Variants in MTRES1 observed in about 807,000 individuals in gnomAD.
The protein encoded by MTRES1 is uncharacterized protein C6orf203.
Under a neutral mutation model 17.4 loss-of-function variants are expected in MTRES1, and 11 were observed. The ratio of observed to expected loss-of-function variants is 0.63; its 90% confidence interval spans 0.40 to 1.05. The LOEUF (loss-of-function observed/expected upper bound fraction) is 1.05. MTRES1 is among the 50% of genes least tolerant of loss of function. The pLI, the probability that MTRES1 is intolerant of heterozygous loss-of-function variation, is 0.00. For synonymous variants in MTRES1, 94 were observed against 99.6 expected (o/e 0.94, Z 0.34); for missense variants, 268 against 276.2 (o/e 0.97, Z 0.21).
intron 3 of MTRES1, among the ~76,000 whole-genome samples, chr6:107,048,197 C>T (rs1051525380): frequency 4.6e-5 from 7 of 151,996 alleles, no homozygotes; most frequent in African/African-American, 1.4e-4. Context: ...TGCAATGGCA[C>T]GATCTCGGCT....
At chr6:107,039,183 A>G (rs1364014491) in intron 1 of MTRES1, among the ~76,000 whole-genome samples, 1 of 152,154 alleles carries the variant, frequency 6.6e-6, no homozygotes, top group Non-Finnish European at 1.5e-5. Flanking sequence ...TTTCACATAT[A>G]CTCATATCAC....
At chr6:107,034,805 T>C (rs1327159242) in intron 1 of MTRES1, among the ~76,000 whole-genome samples, 2 of 152,064 alleles carry the variant, frequency 1.3e-5, no homozygotes, top group Non-Finnish European at 2.9e-5. Context: ...CTGACCAACA[T>C]GGAGAAACCC....
intron 3 of MTRES1, among the ~76,000 whole-genome samples, chr6:107,045,673 G>GA (rs1223710654): frequency 3.3e-5 from 5 of 151,512 alleles, no homozygotes; most frequent in African/African-American, 1.2e-4. Flanking sequence ...TTTCATAATG[G>GA]AAAAAACAAT....
chr6:107,049,300 AC>A (rs1774506050), intron 3 of MTRES1, among the ~76,000 whole-genome samples: 1 of 149,236 alleles, frequency 6.7e-6, no homozygotes, highest in Non-Finnish European at 1.5e-5. Flanking sequence ...GGGCTTGCTC[AC>A]CCCCTACTGG....
At chr6:107,040,534 A>G (rs1365310133) in intron 2 of MTRES1, 1 of 216,936 alleles carries the variant, frequency 4.6e-6, no homozygotes, top group Admixed American at 5.3e-5. Context: ...TGTATGTAGC[A>G]AACGTAAAAT....
At position 107,039,767 on chromosome 6, in the gene MTRES1, A is replaced by G. The variant is rs1288342761; in HGVS notation, c.7A>G (p.Met3Val). MA[M>V]ASVKLLAGVL... ...GTTTCAGATTATAAGCGCCATGGCT[A>G]TGGCTAGTGTTAAATTGCTTGCCGG... is the stretch of plus-strand genomic sequence containing the variant. The change falls in exon 2 of 4, where the codon ATG becomes GTG. Residue 3 changes from methionine (M) to valine (V), a missense_variant. Physicochemically the swap from Met to Val is conservative, Grantham distance 21 (BLOSUM62 1). Transcript: ENST00000311381. 3 of 1,601,052 alleles carry G rather than the reference A, an allele frequency of 1.9e-6. No individual in the cohort carries two copies. Among genetic ancestry groups the G allele is most frequent in the Non-Finnish European group, 1.7e-6 (2 of 1,176,680 alleles).
rs782162019 is a variant in MTRES1, at chr6:107,040,038, C to A, written c.278C>A (p.Ser93Tyr). The A allele has an allele frequency of 6.6e-5, 106 of 1,612,998 alleles. No homozygotes were observed. Among genetic ancestry groups the A allele is most frequent in the Non-Finnish European group, 9.0e-5 (106 of 1,179,718 alleles). ...AAAAGTAATATAAGGTCTACAAAAT[C>A]TACTAAAAAGTCTCTGCAAAAAGTA... ...RLKSNIRSTKSTKKSLQKVDE... is the reference protein window; with the variant it reads ...RLKSNIRSTKYTKKSLQKVDE... The change falls in exon 2 of 4, where the codon TCT (serine) becomes TAT (tyrosine). Residue 93 changes from serine to tyrosine, a missense_variant. Coordinates refer to ENST00000311381, the MANE Select transcript of MTRES1 (RefSeq NM_016487.5).
intron 3 of MTRES1, among the ~76,000 whole-genome samples, chr6:107,049,351 C>T (rs1554228839): frequency 6.6e-6 from 1 of 151,206 alleles, no homozygotes; most frequent in Non-Finnish European, 1.5e-5. Flanking sequence ...CCAGTCATCC[C>T]TGGCTTATGT....
intron 1 of MTRES1, among the ~76,000 whole-genome samples, chr6:107,036,875 A>G (rs1296426355): frequency 6.7e-6 from 1 of 150,314 alleles, no homozygotes; most frequent in African/African-American, 2.4e-5. Context: ...AAGTGGTTCA[A>G]TTCTGAGATT....
intron 3 of MTRES1, among the ~76,000 whole-genome samples, chr6:107,047,685 G>A: frequency 6.6e-6 from 1 of 151,984 alleles, no homozygotes; most frequent in East Asian, 1.9e-4. Flanking sequence ...AGGAGTTTGA[G>A]ACCAGCCTGG....
chr6:107,047,809 C>A (rs2114971782), intron 3 of MTRES1, among the ~76,000 whole-genome samples: 1 of 152,110 alleles, frequency 6.6e-6, no homozygotes, highest in South Asian at 2.1e-4. Flanking sequence ...TCGTTTGAAT[C>A]CAGGAGGTGG....
chr6:107,036,942 T>A (rs983833524), intron 1 of MTRES1, among the ~76,000 whole-genome samples: 1 of 152,112 alleles, frequency 6.6e-6, no homozygotes, highest in African/African-American at 2.4e-5. Flanking sequence ...ATGAGGTATC[T>A]TTCTCAATTT....
intron 1 of MTRES1, chr6:107,029,895 C>T: frequency 1.7e-6 from 1 of 595,694 alleles, no homozygotes; most frequent in Non-Finnish European, 3.0e-6. Context: ...CGTGAGCCAC[C>T]TGCCTGACCT....
At chr6:107,039,143 T>C (rs570698635) in intron 1 of MTRES1, among the ~76,000 whole-genome samples, 2 of 152,138 alleles carry the variant, frequency 1.3e-5, no homozygotes, top group South Asian at 4.2e-4. Context: ...CAAAGCTAAT[T>C]TGTGGGAGGG....
intron 2 of MTRES1, among the ~76,000 whole-genome samples, chr6:107,041,344 A>G (rs1425215222): frequency 1.5e-5 from 2 of 135,580 alleles, no homozygotes; most frequent in Non-Finnish European, 3.2e-5. Context: ...TCTCATCTGT[A>G]AAATGAAGAT....
chr6:107,041,626 C>T (rs1051576783), intron 2 of MTRES1, among the ~76,000 whole-genome samples: 2 of 152,032 alleles, frequency 1.3e-5, no homozygotes, highest in Non-Finnish European at 2.9e-5. Flanking sequence ...CCCGGGTTCA[C>T]GCCATTCTCC....
chr6:107,042,934 T>C (rs1405136893), intron 2 of MTRES1, among the ~76,000 whole-genome samples: 3 of 152,102 alleles, frequency 2.0e-5, no homozygotes, highest in Admixed American at 2.0e-4. Flanking sequence ...CAACATCTAT[T>C]TAGAAATGCC....
At position 107,044,399 on chromosome 6, in the gene MTRES1, T is replaced by C. The variant is rs538805118; in HGVS notation, c.543+67T>C. 5.5e-5 allele frequency: 72 copies of C among 1,303,570 alleles called. No homozygotes were observed. The South Asian group carries it at 8.8e-4, about 16-fold the overall frequency. 80.8% of individuals were successfully genotyped at this position (1,303,570 alleles called of 1,614,324 possible). ...CTTACTCTGCTAGTAACTCAATTAA[T>C]GCTGTCCCAAATTTTCCCTCTGGCT... On this transcript the variant is annotated intron_variant, in intron 3 of 3. Transcript: ENST00000311381.
chr6:107,040,860 C>T (rs1208990181), intron 2 of MTRES1: 5 of 146,336 alleles, frequency 3.4e-5, no homozygotes, highest in Non-Finnish European at 7.4e-5. Flanking sequence ...CAGAGTGAGA[C>T]TCCATCTGAA....
Sources: allele counts gnomAD v4.1 joint callset (sites outside exome capture counted in the v4.1 genomes callset), GRCh38; gene constraint gnomAD v4.1.1; transcripts MANE v1.5; gene names NCBI Gene and HGNC (gene_info 2026-07-23, HGNC 2026-07-21).